ARHGAP42: variants seen among roughly 807,000 people sequenced by gnomAD.
ARHGAP42 encodes Rho GTPase activating protein 42.
In ARHGAP42, 63 loss-of-function variants were observed where a neutral mutation model predicts 125.0. The observed-to-expected ratio is 0.50, with a 90% CI of 0.41 to 0.62. ARHGAP42 has a LOEUF of 0.62. ARHGAP42 is among the 20% of genes least tolerant of loss of function. The probability of loss-of-function intolerance (pLI) is 0.00; values close to 1 mark genes in which losing one functional copy is unlikely to be tolerated. For missense variants in ARHGAP42, 766 were observed against 1,024.2 expected (o/e 0.75, Z 3.44); for synonymous variants, 339 against 351.0 (o/e 0.97, Z 0.38).
At chr11:100,733,579 T>A (rs1177617485) in intron 1 of ARHGAP42, among the ~76,000 whole-genome samples, 2 of 152,088 alleles carry the variant, frequency 1.3e-5, no homozygotes, top group Admixed American at 6.5e-5. Context: ...ATCCCAGCAC[T>A]CTGGGCGGCC....
intron 1 of ARHGAP42, among the ~76,000 whole-genome samples, chr11:100,752,067 A>G (rs940060540): frequency 6.6e-6 from 1 of 152,082 alleles, no homozygotes; most frequent in Non-Finnish European, 1.5e-5. Flanking sequence ...GGCAGGAGCC[A>G]CTGCACCCAG....
intron 1 of ARHGAP42, among the ~76,000 whole-genome samples, chr11:100,711,246 C>G (rs1861560695): frequency 3.3e-5 from 5 of 152,194 alleles, no homozygotes; most frequent in Admixed American, 3.3e-4. Context: ...TCTTGGGAGC[C>G]ATATTCTCTT....
intron 1 of ARHGAP42, among the ~76,000 whole-genome samples, chr11:100,692,877 C>T (rs1266549137): frequency 6.6e-6 from 1 of 152,194 alleles, no homozygotes; most frequent in South Asian, 2.1e-4. Context: ...CAAGATGAGG[C>T]ACCTCTGCCT....
intron 8 of ARHGAP42, 25 bp downstream of exon 8, chr11:100,936,357 C>T (rs747633228): frequency 9.7e-6 from 15 of 1,551,202 alleles, no homozygotes; most frequent in South Asian, 4.8e-5. Context: ...CATAATTTCA[C>T]GTCTCTTATG....
intron 4 of ARHGAP42, among the ~76,000 whole-genome samples, chr11:100,910,369 A>T (rs1010199606): frequency 6.6e-6 from 1 of 152,138 alleles, no homozygotes; most frequent in Non-Finnish European, 1.5e-5. Flanking sequence ...CATCGAGATT[A>T]TTATTTTATT....
chr11:100,928,622 C>A (rs1330402508), intron 6 of ARHGAP42, among the ~76,000 whole-genome samples: 1 of 152,070 alleles, frequency 6.6e-6, no homozygotes, highest in African/African-American at 2.4e-5. Context: ...ATACAATTCA[C>A]ATACCATACA....
chr11:100,837,685 T>TTTTTTTTTTTA (rs1565235570), intron 3 of ARHGAP42, among the ~76,000 whole-genome samples: 1 of 131,424 alleles, frequency 7.6e-6, no homozygotes, highest in Admixed American at 8.2e-5. Context: ...TTTTTTTTTT[T>TTTTTTTTTTTA]TTTTTTTTTT....
chr11:100,775,263 G>A (rs1435838389), intron 2 of ARHGAP42, among the ~76,000 whole-genome samples: 1 of 152,116 alleles, frequency 6.6e-6, no homozygotes, highest in African/African-American at 2.4e-5. Context: ...CATTGAGTTA[G>A]GAGTACAGTG....
chr11:100,699,500 ATATATATTTTTTTTTTTTTTTTTTTTT>A lies in ARHGAP42; in HGVS notation c.154+11670_154+11696del, dbSNP rs1209314751. On this transcript the variant is annotated intron_variant, in intron 1 of 23. Coordinates refer to ENST00000298815, the MANE Select transcript of ARHGAP42 (RefSeq NM_152432.4). Reference sequence around the variant, plus strand: ...TTCATGTATATATATATATATATATATATATATTTTTTTTTTTTTTTTTTTTTTTTTTTTTTTTTGAGATGGAGTTTC... The same window carrying A: ...TTCATGTATATATATATATATATATATTTTTTTTTTTTGAGATGGAGTTTC... Among the ~76,000 whole-genome samples the A allele has an allele frequency of 8.0e-4, 32 of 40,148 alleles. 1 individual carries two copies. Among genetic ancestry groups the A allele is most frequent in the African/African-American group, 3.5e-3 (32 of 9,226 alleles). 26.3% of individuals were successfully genotyped at this position (40,148 alleles called of 152,430 possible). A position where few individuals can be genotyped will look rare whatever the true frequency, so the allele number is the denominator to read the frequency against.
At chr11:100,765,868 G>A in intron 1 of ARHGAP42, among the ~76,000 whole-genome samples, 1 of 152,138 alleles carries the variant, frequency 6.6e-6, no homozygotes, top group Non-Finnish European at 1.5e-5. Flanking sequence ...TGGACTGACT[G>A]GTTGTACTTG....
At chr11:100,962,035 A>G (rs1431905748) in intron 15 of ARHGAP42, among the ~76,000 whole-genome samples, 1 of 152,098 alleles carries the variant, frequency 6.6e-6, no homozygotes, top group African/African-American at 2.4e-5. Context: ...TGGGATTTTT[A>G]TGTACTTTTT....
chr11:100,794,374 A>G (rs1863655689), intron 2 of ARHGAP42, among the ~76,000 whole-genome samples: 1 of 152,110 alleles, frequency 6.6e-6, no homozygotes, highest in South Asian at 2.1e-4. Flanking sequence ...TTCTTGTTCA[A>G]TTCCTACTAA....
At chr11:100,779,581 C>CGTAT (rs376743683) in intron 2 of ARHGAP42, among the ~76,000 whole-genome samples, 1 of 46,376 alleles carries the variant, frequency 2.2e-5, no homozygotes, top group Admixed American at 3.0e-4. Flanking sequence ...CGTATATATA[C>CGTAT]ATATATACGT....
At chr11:100,749,559 C>T (rs953678048) in intron 1 of ARHGAP42, among the ~76,000 whole-genome samples, 1 of 152,186 alleles carries the variant, frequency 6.6e-6, no homozygotes, top group Non-Finnish European at 1.5e-5. Flanking sequence ...GACCTGTTTC[C>T]TCCCTTTCCC....
chr11:100,784,300 G>A (rs1305465499), intron 2 of ARHGAP42, among the ~76,000 whole-genome samples: 1 of 152,098 alleles, frequency 6.6e-6, no homozygotes, highest in Non-Finnish European at 1.5e-5. Context: ...TTTGGAGTTT[G>A]GACCCTTTTA....
intron 4 of ARHGAP42, among the ~76,000 whole-genome samples, chr11:100,905,342 T>C (rs1866695553): frequency 6.6e-6 from 1 of 152,220 alleles, no homozygotes; most frequent in Admixed American, 6.5e-5. Context: ...TTAATTTATA[T>C]GCCTTCACAT....
intron 1 of ARHGAP42, among the ~76,000 whole-genome samples, chr11:100,752,134 A>G (rs1430448675): frequency 6.6e-6 from 1 of 152,020 alleles, no homozygotes; most frequent in Non-Finnish European, 1.5e-5. Context: ...CCAGAGAGGA[A>G]TTGTGACTGT....
chr11:100,921,243 ATATTTTTTTTTTTTTTT>A lies in ARHGAP42; in HGVS notation c.487-249_487-233del, dbSNP rs1414482795. 3.7e-4 allele frequency among the ~76,000 whole-genome samples: 9 copies of A among 24,310 alleles called. No homozygotes were observed. In the East Asian group the frequency reaches 0.012, roughly 32 times the overall value. 15.9% of individuals were successfully genotyped at this position (24,310 alleles called of 152,430 possible). On this transcript the variant is annotated intron_variant, in intron 5 of 23. Transcript: ENST00000298815. ...TATATATATATATATATATATATAT[ATATTTTTTTTTTTTTTT>A]TTTTTTTTTTTTTACTGCAATGGGT...
Position 100,992,444 on chromosome 11 carries a change from T to G in ARHGAP42, c.*3643T>G, listed in dbSNP as rs1858859333. The G allele has an allele frequency of 1.2e-6, 2 of 1,614,020 alleles. No individual in the cohort carries two copies. The highest frequency in any genetic ancestry group is 2.7e-5 in the African/African-American group (2 of 74,932). On this transcript the variant is annotated 3_prime_UTR_variant, in exon 24 of 24. Coordinates refer to ENST00000298815, the MANE Select transcript of ARHGAP42 (RefSeq NM_152432.4). The stretch of plus-strand genomic sequence containing the variant: ...TTTCCCCTTAGGGTACACATTGCTA[T>G]TTAACTTTGCCTCCTACCCTTTTTT...
Sources: allele counts gnomAD v4.1 joint callset (sites outside exome capture counted in the v4.1 genomes callset), GRCh38; gene constraint gnomAD v4.1.1; transcripts MANE v1.5; gene names NCBI Gene and HGNC (gene_info 2026-07-23, HGNC 2026-07-21).